ZAP70: variants seen among roughly 807,000 people sequenced by gnomAD.
ZAP70 encodes tyrosine-protein kinase ZAP-70.
In ZAP70, 27 loss-of-function variants were observed where a neutral mutation model predicts 65.8. The observed-to-expected ratio is 0.41, with a 90% confidence interval of 0.30 to 0.57. The LOEUF is 0.57. Ranked by LOEUF, ZAP70 falls within the 20% of genes least tolerant of loss-of-function variation. ZAP70 has a pLI of 0.28. For synonymous variants in ZAP70, 363 were observed against 360.8 expected (o/e 1.01, Z -0.07); for missense variants, 696 against 870.5 (o/e 0.80, Z 2.52).
At chr2:97,744,177 C>T (rs894781514), downstream of ZAP70, among the ~76,000 whole-genome samples, 5 of 152,170 alleles carry the variant, frequency 3.3e-5, no homozygotes, top group South Asian at 2.1e-4. Context: ...ATCCACTCCC[C>T]GCTCCTCGGC....
intron 3 of ZAP70, chr2:97,724,718 G>T: frequency 6.6e-7 from 1 of 1,514,234 alleles, no homozygotes; most frequent in Non-Finnish European, 8.8e-7. Context: ...CGAAGGCGAG[G>T]CTTGGAATGG....
chr2:97,723,046 G>A (rs1401534345), intron 2 of ZAP70, among the ~76,000 whole-genome samples: 2 of 152,172 alleles, frequency 1.3e-5, no homozygotes, highest in African/African-American at 4.8e-5. Context: ...TATACAGGAC[G>A]TCACCATCAC....
Position 97,724,133 on chromosome 2 carries a change from C to A in ZAP70, c.97C>A (p.Leu33Ile). 6.4e-7 allele frequency: 1 copy of A among 1,564,686 alleles called. No individual in the cohort carries two copies. The highest frequency in any genetic ancestry group is 8.6e-7 in the Non-Finnish European group (1 of 1,157,818). ...GAAGCTGGCGGGCATGGCGGACGGG[C>A]TCTTCCTGCTGCGCCAGTGCCTGCG... ...HLKLAGMADG[L>I]FLLRQCLRSL... The change falls in exon 3 of 14, where the codon CTC becomes ATC. Residue 33 changes from leucine to isoleucine, a missense_variant. Physicochemically the swap from Leu to Ile is conservative, Grantham distance 5. Transcript: ENST00000264972.
At position 97,731,041 on chromosome 2, in the gene ZAP70, C is replaced by T. The variant is rs1206735399; in HGVS notation, c.564-1842C>T. On this transcript the variant is annotated intron_variant, in intron 4 of 13. Coordinates refer to ENST00000264972, the MANE Select transcript of ZAP70 (RefSeq NM_001079.4). This position sits in a 1 kb window ranked among gnomAD's most constrained non-coding sequence, Gnocchi z 4.0. ...CTGCACTCCAGCCCGGGCTGTGGAGCGAGACTCGGTCTCAAAAAAAAAAAA... is the reference window on the plus strand; with the variant it reads ...CTGCACTCCAGCCCGGGCTGTGGAGTGAGACTCGGTCTCAAAAAAAAAAAA... Among the ~76,000 whole-genome samples, 10 of 124,536 alleles carry T rather than the reference C, an allele frequency of 8.0e-5. No individual in the cohort carries two copies. The highest frequency in any genetic ancestry group is 2.4e-4 in the South Asian group (1 of 4,086). The allele number at this position is 124,536 out of a possible 152,430, so 81.7% of individuals were successfully genotyped here.
chr2:97,722,847 A>T (rs138940522), intron 2 of ZAP70, among the ~76,000 whole-genome samples: 13 of 152,256 alleles, frequency 8.5e-5, no homozygotes, highest in Non-Finnish European at 1.6e-4. Flanking sequence ...GATGCTCTCA[A>T]ATTAGATTAC....
chr2:97,737,389 C>A lies in ZAP70; in HGVS notation c.1290-84C>A. On this transcript the variant is annotated intron_variant, in intron 10 of 13. Coordinates refer to ENST00000264972, the MANE Select transcript of ZAP70 (RefSeq NM_001079.4). The surrounding 1 kb of genome is among the most constrained non-coding windows in gnomAD (Gnocchi z 5.0). ...GAACACATGGTCACCTGGCTCATGC[C>A]CAGCTGGGTCAGAGAAGCATGCTTT... The A allele has an allele frequency of 1.4e-6, 2 of 1,476,436 alleles. No homozygotes were observed. Among genetic ancestry groups the A allele is most frequent in the South Asian group, 1.2e-5 (1 of 86,806 alleles). The allele number at this position is 1,476,436 out of a possible 1,614,324, so 91.5% of individuals were successfully genotyped here.
intron 4 of ZAP70, 94 bp from the exon 5 acceptor site, chr2:97,732,789 G>A: frequency 1.3e-6 from 2 of 1,556,694 alleles, no homozygotes; most frequent in African/African-American, 1.4e-5. Context: ...GCTCTGAGGT[G>A]TGGAGCCCAT....
the ZAP70 span, among the ~76,000 whole-genome samples, chr2:97,747,137 T>TA: frequency 6.6e-6 from 1 of 152,304 alleles, no homozygotes; most frequent in East Asian, 1.9e-4. Flanking sequence ...AGCTGCTTTG[T>TA]AAAACAGTTT....
At chr2:97,751,562 C>G in the ZAP70 span, among the ~76,000 whole-genome samples, 1 of 152,130 alleles carries the variant, frequency 6.6e-6, no homozygotes, top group Non-Finnish European at 1.5e-5. Context: ...CTGGAGAAAA[C>G]AAGGACAGTG....
At chr2:97,747,670 C>T in the ZAP70 span, among the ~76,000 whole-genome samples, 3 of 151,980 alleles carry the variant, frequency 2.0e-5, no homozygotes, top group Admixed American at 2.0e-4. Flanking sequence ...GATGGTTGCC[C>T]ATCACTGTTA....
intron 2 of ZAP70, among the ~76,000 whole-genome samples, chr2:97,717,435 TGGAGCCTCTGGCTGGGGGGACACGA>T (rs1676978822): frequency 7.8e-6 from 1 of 128,602 alleles, no homozygotes; most frequent in African/African-American, 3.1e-5. Flanking sequence ...GGGTGACATG[TGGAGCCTCTGGCTGGGGGGACACGA>T]GGAGCCTCTG....
the ZAP70 span, among the ~76,000 whole-genome samples, chr2:97,745,878 C>T: frequency 5.9e-5 from 9 of 152,198 alleles, no homozygotes; most frequent in South Asian, 2.1e-4. Context: ...GCATCATTCA[C>T]GATAGCCAAA....
chr2:97,743,715 G>T (rs1047935693), downstream of ZAP70, among the ~76,000 whole-genome samples: 1 of 152,144 alleles, frequency 6.6e-6, no homozygotes, highest in African/African-American at 2.4e-5. Flanking sequence ...TTCTTTTAAG[G>T]TTGCACTATT....
chr2:97,728,548 G>A (rs1198544390), intron 4 of ZAP70, among the ~76,000 whole-genome samples: 2 of 152,196 alleles, frequency 1.3e-5, no homozygotes, highest in African/African-American at 2.4e-5. Flanking sequence ...AAAGACACGT[G>A]CTACTCAGGC....
rs1677986019 is a variant in ZAP70 at position 97,738,115 on chromosome 2, C to A, written c.1736+8C>A. 12 of 1,589,104 alleles carry A rather than the reference C, an allele frequency of 7.6e-6. No homozygotes were observed. The highest frequency in any genetic ancestry group is 1.0e-5 in the Non-Finnish European group (12 of 1,167,192). ...TGACTGCTGGATCTACAAGTGAGTG[C>A]CAGTGGGGAGGGGACCCGGCTGGGC... On this transcript the variant is annotated splice_region_variant and intron_variant, in intron 13 of 13. Transcript: ENST00000264972.
chr2:97,754,408 C>T, the ZAP70 span, among the ~76,000 whole-genome samples: 3 of 151,164 alleles, frequency 2.0e-5, no homozygotes, highest in Non-Finnish European at 3.0e-5. Context: ...TTTTTCTTAT[C>T]TTTTTTTTTG....
rs1677259365 is a variant in ZAP70 at position 97,723,899 on chromosome 2, C to T, written c.-21-117C>T. On this transcript the variant is annotated intron_variant, in intron 2 of 13. Coordinates refer to ENST00000264972, the MANE Select transcript of ZAP70 (RefSeq NM_001079.4). ...CACAGAGCAGGCTCTGCCCCCTTGG[C>T]GAGCTCAGTCTGCGGCACTGATGCC... The T allele has an allele frequency of 7.7e-6, 9 of 1,163,390 alleles. No individual in the cohort carries two copies. The South Asian group carries it at 1.0e-4, about 13-fold the overall frequency. The allele number at this position is 1,163,390 out of a possible 1,614,324, so 72.1% of individuals were successfully genotyped here. A position where few individuals can be genotyped will look rare whatever the true frequency, so the allele number is the denominator to read the frequency against.
At chr2:97,716,358 G>C (rs1676913752) in intron 2 of ZAP70, among the ~76,000 whole-genome samples, 1 of 152,202 alleles carries the variant, frequency 6.6e-6, no homozygotes, top group Non-Finnish European at 1.5e-5. Context: ...GTGCCATGCT[G>C]GTATAGGTAG....
rs1677180902 is a variant in ZAP70, at chr2:97,722,007, A to AC, written c.-21-2009_-21-2008insC. 2.0e-5 allele frequency among the ~76,000 whole-genome samples: 3 copies of AC among 150,836 alleles called. No homozygotes were observed. The East Asian group carries it at 6.0e-4, about 30-fold the overall frequency. On this transcript the variant is annotated intron_variant, in intron 2 of 13. Transcript: ENST00000264972. The stretch of plus-strand genomic sequence containing the variant: ...ACTGTGTTGGCCAAGATGGTCTCGA[A>AC]TGCCTGACCTTGTGATCCACCTGCC...
Sources: allele counts gnomAD v4.1 joint callset (sites outside exome capture counted in the v4.1 genomes callset), GRCh38; gene constraint gnomAD v4.1.1; non-coding constraint Gnocchi (gnomAD v3.1); transcripts MANE v1.5; gene names NCBI Gene and HGNC (gene_info 2026-07-23, HGNC 2026-07-21).